Variants in SLC8A3 observed in about 807,000 individuals in gnomAD.
The protein encoded by SLC8A3 is sodium/calcium exchanger 3.
A neutral mutation model predicts 65.4 loss-of-function variants in SLC8A3; 37 were observed. That is an observed-to-expected ratio of 0.57 (90% CI 0.44 to 0.74). SLC8A3 has a LOEUF of 0.74. SLC8A3 is among the 30% of genes least tolerant of loss of function. The probability of loss-of-function intolerance (pLI) is 0.00; values close to 1 mark genes in which losing one functional copy is unlikely to be tolerated. For missense variants in SLC8A3, 1,112 were observed against 1,172.1 expected, an observed-to-expected ratio of 0.95 and a Z score of 0.75; for synonymous variants, 461 against 444.5, an observed-to-expected ratio of 1.04 and a Z score of -0.47.
At chr14:70,144,110 C>G (rs557019412) in intron 2 of SLC8A3, among the ~76,000 whole-genome samples, 2 of 152,156 alleles carry the variant, frequency 1.3e-5, no homozygotes, top group East Asian at 3.9e-4. Context: ...CTCCATACCC[C>G]GCTGTGGGGG....
chr14:70,051,073 A>G lies in SLC8A3; in HGVS notation c.2048T>C (p.Leu683Pro). Residue 683 changes from leucine (L) to proline (P), a missense_variant, in exon 5 of 7, where the codon CTG becomes CCG. By Grantham distance (98) the Leu-to-Pro change is moderately conservative. Coordinates refer to ENST00000356921, the MANE Select transcript of SLC8A3 (RefSeq NM_182932.3). Reference protein sequence around the residue: ...TVDKLIKKTNLALVVGTHSWR... With the variant: ...TVDKLIKKTNPALVVGTHSWR... ...GGAATGGGTCCCCACAACCAAGGCC[A>G]GGTTTGTCTTCTTGATCAGTTTGTC... 1 of 1,613,750 alleles carries G rather than the reference A, an allele frequency of 6.2e-7. No individual in the cohort carries two copies.
intron 2 of SLC8A3, among the ~76,000 whole-genome samples, chr14:70,084,436 CT>C (rs1419336496): frequency 6.6e-6 from 1 of 152,172 alleles, no homozygotes; most frequent in Non-Finnish European, 1.5e-5. Flanking sequence ...TCTTTTCACC[CT>C]GCTGGTCATT....
intron 2 of SLC8A3, among the ~76,000 whole-genome samples, chr14:70,068,010 G>T (rs369592007): frequency 1.3e-5 from 2 of 152,198 alleles, no homozygotes; most frequent in Non-Finnish European, 2.9e-5. Flanking sequence ...TGCACACAGC[G>T]TTCCCAGAAC....
chr14:70,173,766 T>A (rs1390145744), intron 1 of SLC8A3, among the ~76,000 whole-genome samples: 3 of 152,158 alleles, frequency 2.0e-5, no homozygotes, highest in Non-Finnish European at 4.4e-5. Context: ...CATATTCTCC[T>A]GCACTTCCTC....
At chr14:70,124,604 T>A (rs919157109) in intron 2 of SLC8A3, among the ~76,000 whole-genome samples, 1 of 152,270 alleles carries the variant, frequency 6.6e-6, no homozygotes, top group African/African-American at 2.4e-5. Context: ...CAATAGTTCT[T>A]GATTGCCTAT....
intron 2 of SLC8A3, among the ~76,000 whole-genome samples, chr14:70,127,589 G>C (rs1391985090): frequency 6.6e-6 from 1 of 152,172 alleles, no homozygotes; most frequent in African/African-American, 2.4e-5. Flanking sequence ...TCCCTGTGCT[G>C]GATTTCCTTT....
chr14:70,060,775 T>C, intron 3 of SLC8A3, 61 bp downstream of exon 3: 9 of 930,546 alleles, frequency 9.7e-6, no homozygotes, highest in Non-Finnish European at 1.4e-5. Context: ...TTGTTGTTTT[T>C]CAGTTTGTTT....
intron 2 of SLC8A3, among the ~76,000 whole-genome samples, chr14:70,146,325 C>T (rs2140290310): frequency 6.6e-6 from 1 of 152,246 alleles, no homozygotes. Flanking sequence ...GGCTGAGTCC[C>T]TGTCTTCAAA....
At chr14:70,058,122 T>C (rs72729833) in intron 3 of SLC8A3, among the ~76,000 whole-genome samples, 4,732 of 152,302 alleles carry the variant, frequency 0.031, 117 homozygotes, top group Admixed American at 0.049. Context: ...TTGCCAAAAA[T>C]AGAGTCTCCT....
intron 2 of SLC8A3, among the ~76,000 whole-genome samples, chr14:70,068,532 C>T (rs1889693926): frequency 6.6e-6 from 1 of 152,024 alleles, no homozygotes; most frequent in Non-Finnish European, 1.5e-5. Flanking sequence ...TGCATGCCAC[C>T]ATGCCCAGCT....
Position 70,168,212 on chromosome 14 carries a change from C to A in SLC8A3, c.211G>T (p.Gly71Trp). ...PIWYPENPSLGDKIARVIVYF... is the reference protein window; with the variant it reads ...PIWYPENPSLWDKIARVIVYF... ...ACAATGACCCTGGCAATCTTGTCCC[C>A]AAGGGAAGGGTTCTCCGGGTACCAG... Residue 71 changes from glycine to tryptophan, a missense_variant, in exon 2 of 7, where the codon GGG becomes TGG. Transcript: ENST00000356921. 6.2e-7 allele frequency: 1 copy of A among 1,614,138 alleles called. No individual in the cohort carries two copies.
At chr14:70,117,590 A>G (rs1893754467) in intron 2 of SLC8A3, among the ~76,000 whole-genome samples, 1 of 152,202 alleles carries the variant, frequency 6.6e-6, no homozygotes, top group South Asian at 2.1e-4. Flanking sequence ...TGAATTAATC[A>G]TGCTTTTAAT....
intron 2 of SLC8A3, among the ~76,000 whole-genome samples, chr14:70,061,148 C>T (rs1051223926): frequency 6.6e-6 from 1 of 152,060 alleles, no homozygotes; most frequent in Non-Finnish European, 1.5e-5. Context: ...CATAGTTGTT[C>T]TTACGGGTGA....
chr14:70,060,797 TC>T (rs1888704735), intron 3 of SLC8A3, 38 bp downstream of exon 3: 2 of 1,072,374 alleles, frequency 1.9e-6, no homozygotes, highest in African/African-American at 1.6e-5. Context: ...AATTTTTCTT[TC>T]TTTTTTTTTG....
At chr14:70,055,838 A>C in intron 3 of SLC8A3, 1 of 1,607,064 alleles carries the variant, frequency 6.2e-7, no homozygotes, top group African/African-American at 1.3e-5. Context: ...ATACCAGAAA[A>C]ATGGAAGAAA....
intron 2 of SLC8A3, among the ~76,000 whole-genome samples, chr14:70,067,216 C>T (rs1316541767): frequency 5.3e-5 from 8 of 152,180 alleles, no homozygotes; most frequent in South Asian, 2.1e-4. Context: ...TTATCCTGAT[C>T]GTTTGCGTCT....
At chr14:70,055,370 G>T (rs1343444270) in intron 3 of SLC8A3, among the ~76,000 whole-genome samples, 7 of 152,050 alleles carry the variant, frequency 4.6e-5, no homozygotes, top group Non-Finnish European at 1.0e-4. Context: ...GTTATTTCCT[G>T]GATCCCTTGG....
intron 3 of SLC8A3, chr14:70,055,938 G>C: frequency 1.3e-6 from 1 of 793,046 alleles, no homozygotes; most frequent in Non-Finnish European, 2.0e-6. Context: ...AGCTTAGTAG[G>C]TGAGAGCTCA....
intron 2 of SLC8A3, among the ~76,000 whole-genome samples, chr14:70,071,038 T>A (rs1889961160): frequency 6.6e-6 from 1 of 152,208 alleles, no homozygotes; most frequent in South Asian, 2.1e-4. Context: ...TGAGAAAGAT[T>A]GTGGTGGGAA....
Sources: allele counts gnomAD v4.1 joint callset (sites outside exome capture counted in the v4.1 genomes callset), GRCh38; gene constraint gnomAD v4.1.1; transcripts MANE v1.5; gene names NCBI Gene and HGNC (gene_info 2026-07-23, HGNC 2026-07-21).